Variants in CFAP20DC observed in about 807,000 individuals in gnomAD.
The protein encoded by CFAP20DC is protein CFAP20DC.
Under a neutral mutation model 101.7 loss-of-function variants are expected in CFAP20DC, and 84 were observed. The observed-to-expected ratio is 0.83, with a 90% CI of 0.69 to 0.99. CFAP20DC has a LOEUF of 0.99. CFAP20DC is among the 50% of genes least tolerant of loss of function. CFAP20DC has a pLI of 0.00. For synonymous variants in CFAP20DC, 359 were observed against 351.2 expected, an observed-to-expected ratio of 1.02 and a Z score of -0.25; for missense variants, 1,007 against 970.3, an observed-to-expected ratio of 1.04 and a Z score of -0.50.
In CFAP20DC at chr3:58,747,595, T is replaced by C. The variant is rs547748971; in HGVS notation, c.2333-5023A>G. ...TAAAGTTAATGTATTTTCTCTCCTA[T>C]AGATCTTGAGAACTGATTGACTGTA... On this transcript the variant is annotated intron_variant, in intron 16 of 16. Transcript: ENST00000482387. Among the ~76,000 whole-genome samples, 11 of 152,322 alleles carry C rather than the reference T, an allele frequency of 7.2e-5. No homozygotes were observed. The East Asian group carries it at 1.3e-3, about 19-fold the overall frequency.
At chr3:58,933,888 A>G (rs1439804021) in intron 5 of CFAP20DC, among the ~76,000 whole-genome samples, 2 of 151,770 alleles carry the variant, frequency 1.3e-5, no homozygotes, top group Admixed American at 6.6e-5. Flanking sequence ...AAACACATTC[A>G]AAAGCTAGCA....
chr3:58,877,559 G>T (rs2080854089), intron 7 of CFAP20DC, among the ~76,000 whole-genome samples: 1 of 152,174 alleles, frequency 6.6e-6, no homozygotes, highest in Non-Finnish European at 1.5e-5. Context: ...AGAAACTGAG[G>T]CTTGCAATGT....
rs573965927 is a variant in CFAP20DC at position 58,724,791 on chromosome 3, G to A, written c.198-7163C>T. Among the ~76,000 whole-genome samples, 3 of 152,168 alleles carry A rather than the reference G, an allele frequency of 2.0e-5. No homozygotes were observed. The highest frequency in any genetic ancestry group is 4.8e-5 in the African/African-American group (2 of 41,514). Reference sequence around the variant, plus strand: ...CTCTTCTCAATCCTTTGTCGCCACCGGACTTCGGGTACCCTACGGGTGGGT... The same window carrying A: ...CTCTTCTCAATCCTTTGTCGCCACCAGACTTCGGGTACCCTACGGGTGGGT... On this transcript the variant is annotated intron_variant, in intron 3 of 3. Transcript: ENST00000486145. This position sits in a 1 kb window ranked among gnomAD's most constrained non-coding sequence, Gnocchi z 5.6.
intron 5 of CFAP20DC, among the ~76,000 whole-genome samples, chr3:58,930,937 G>T (rs1000345634): frequency 6.6e-6 from 1 of 152,132 alleles, no homozygotes; most frequent in African/African-American, 2.4e-5. Flanking sequence ...TGGGTGCAGC[G>T]CACTGTGAGC....
intron 13 of CFAP20DC, among the ~76,000 whole-genome samples, chr3:58,845,414 A>G (rs1193844824): frequency 6.6e-6 from 1 of 152,084 alleles, no homozygotes; most frequent in Non-Finnish European, 1.5e-5. Context: ...AAAATCTAGA[A>G]GAAATGGATA....
In CFAP20DC at chr3:58,969,401, G is replaced by A. The variant is rs147643523; in HGVS notation, c.279-31639C>T. Among the ~76,000 whole-genome samples, 3 of 152,262 alleles carry A rather than the reference G, an allele frequency of 2.0e-5. No individual in the cohort carries two copies. The East Asian group carries it at 5.8e-4, about 29-fold the overall frequency. On this transcript the variant is annotated intron_variant, in intron 4 of 16. Transcript: ENST00000482387. Reference sequence around the variant, plus strand: ...ATCATTGCTGATGGGAATATTAAACGATACAGCCTCTTTGGAAACAGTTTC... The same window carrying A: ...ATCATTGCTGATGGGAATATTAAACAATACAGCCTCTTTGGAAACAGTTTC...
chr3:58,836,827 G>A (rs2076768921), intron 13 of CFAP20DC, among the ~76,000 whole-genome samples: 1 of 152,132 alleles, frequency 6.6e-6, no homozygotes. Context: ...AATGGTGGCT[G>A]TTGGGATATA....
intron 14 of CFAP20DC, among the ~76,000 whole-genome samples, chr3:58,811,784 G>A (rs2107792366): frequency 6.7e-6 from 1 of 150,122 alleles, no homozygotes; most frequent in Admixed American, 6.6e-5. Context: ...CAAAATGGGA[G>A]AAAATTTTCG....
At position 58,986,442 on chromosome 3, in the gene CFAP20DC, C is replaced by T. The variant is rs577522676; in HGVS notation, c.279-48680G>A. On this transcript the variant is annotated intron_variant, in intron 4 of 16. Coordinates refer to ENST00000482387, the MANE Select transcript of CFAP20DC (RefSeq NM_001394063.1). ...AATAAGGTGGGAAGCTAGAACTGAG[C>T]CTCCTGCAGAAAGCCAGACCTTGGA... Among the ~76,000 whole-genome samples, 5 of 152,020 alleles carry T rather than the reference C, an allele frequency of 3.3e-5. No individual in the cohort carries two copies. In the East Asian group the frequency reaches 9.6e-4, roughly 29 times the overall value.
chr3:58,781,048 G>A (rs2071781202), intron 15 of CFAP20DC, among the ~76,000 whole-genome samples: 1 of 151,848 alleles, frequency 6.6e-6, no homozygotes, highest in Non-Finnish European at 1.5e-5. Flanking sequence ...TATAAAATAA[G>A]TGTCAATACA....
At position 59,006,826 on chromosome 3, in the gene CFAP20DC, TG is replaced by T. The variant is rs1365028217; in HGVS notation, c.278+32730del. ...CAAGCTTTCTTGATCAGAATCTGGG[TG>T]GGGAGCAAATGGGAACTGTTACAGA... On this transcript the variant is annotated intron_variant, in intron 4 of 16. Transcript: ENST00000482387. The surrounding 1 kb of genome is among the most constrained non-coding windows in gnomAD (Gnocchi z 4.3). 6.6e-6 allele frequency among the ~76,000 whole-genome samples: 1 copy of T among 152,056 alleles called. No individual in the cohort carries two copies. The highest frequency in any genetic ancestry group is 1.5e-5 in the Non-Finnish European group (1 of 68,010).
chr3:58,767,729 C>T (rs1174068582), intron 15 of CFAP20DC, among the ~76,000 whole-genome samples: 1 of 152,138 alleles, frequency 6.6e-6, no homozygotes, highest in East Asian at 1.9e-4. Context: ...TATTAAGATG[C>T]TGTTGTTTAA....
At chr3:58,817,890 GAA>G (rs1399618379) in intron 14 of CFAP20DC, among the ~76,000 whole-genome samples, 7 of 150,716 alleles carry the variant, frequency 4.6e-5, no homozygotes, top group African/African-American at 1.5e-4. Flanking sequence ...CAGCCAGAGA[GAA>G]AGGTCGGGTT....
At chr3:58,758,424 C>T (rs866203382) in intron 15 of CFAP20DC, among the ~76,000 whole-genome samples, 21 of 152,196 alleles carry the variant, frequency 1.4e-4, no homozygotes, top group Admixed American at 7.9e-4. Context: ...TGGCTTCTTA[C>T]CCAGACACCT....
Position 58,894,456 on chromosome 3 carries a change from C to A in CFAP20DC, c.551-9747G>T, listed in dbSNP as rs1181049674. 6.6e-6 allele frequency among the ~76,000 whole-genome samples: 1 copy of A among 152,238 alleles called. No homozygotes were observed. Among genetic ancestry groups the A allele is most frequent in the African/African-American group, 2.4e-5 (1 of 41,470 alleles). On this transcript the variant is annotated intron_variant, in intron 6 of 16. Coordinates refer to ENST00000482387, the MANE Select transcript of CFAP20DC (RefSeq NM_001394063.1). The surrounding 1 kb of genome is among the most constrained non-coding windows in gnomAD (Gnocchi z 4.1). Reference sequence around the variant, plus strand: ...CCAAAATCCAGCAGGGCAGTCAAATCTCAAAGCTCCAAAATGATCTCCTTT... The same window carrying A: ...CCAAAATCCAGCAGGGCAGTCAAATATCAAAGCTCCAAAATGATCTCCTTT...
chr3:59,032,495 C>A (rs1352175092), intron 4 of CFAP20DC, among the ~76,000 whole-genome samples: 2 of 152,124 alleles, frequency 1.3e-5, no homozygotes, highest in Non-Finnish European at 2.9e-5. Flanking sequence ...CAATCTGGAA[C>A]ACTCGAGCTT....
intron 3 of CFAP20DC, among the ~76,000 whole-genome samples, chr3:58,730,018 CAA>C (rs769033730): frequency 5.6e-4 from 30 of 53,528 alleles, no homozygotes; most frequent in Admixed American, 2.5e-3. Flanking sequence ...AACCTGTCTC[CAA>C]AAAAAAAAAA....
chr3:58,932,774 C>A (rs2086898525), intron 5 of CFAP20DC, among the ~76,000 whole-genome samples: 1 of 152,170 alleles, frequency 6.6e-6, no homozygotes, highest in Non-Finnish European at 1.5e-5. Flanking sequence ...CTGAAGGAAG[C>A]ACTAAACATG....
chr3:58,926,048 T>C (rs1045863134), intron 5 of CFAP20DC, among the ~76,000 whole-genome samples: 1 of 152,026 alleles, frequency 6.6e-6, no homozygotes, highest in South Asian at 2.1e-4. Flanking sequence ...ACTGAGTAAG[T>C]AGGGAAAGAA....
Sources: allele counts gnomAD v4.1 joint callset (sites outside exome capture counted in the v4.1 genomes callset), GRCh38; gene constraint gnomAD v4.1.1; non-coding constraint Gnocchi (gnomAD v3.1); transcripts MANE v1.5; gene names NCBI Gene and HGNC (gene_info 2026-07-23, HGNC 2026-07-21).